Variants in SNTG2 observed in about 807,000 individuals in gnomAD.
SNTG2 encodes the protein syntrophin gamma 2, also known as gamma-2-syntrophin.
A neutral mutation model predicts 70.9 loss-of-function variants in SNTG2; 74 were observed. That is an observed-to-expected ratio of 1.04 (90% CI 0.86 to 1.27). The LOEUF (loss-of-function observed/expected upper bound fraction) is 1.27, where lower values mean the gene tolerates loss of function less well. Among genes scored for constraint, SNTG2 ranks in the 50% most tolerant of loss-of-function variants. SNTG2 has a pLI of 0.00. For missense variants in SNTG2, 717 were observed against 690.7 expected, an observed-to-expected ratio of 1.04 and a Z score of -0.43; for synonymous variants, 278 against 273.8, an observed-to-expected ratio of 1.02 and a Z score of -0.15.
intron 15 of SNTG2, among the ~76,000 whole-genome samples, chr2:1,312,701 C>T (rs551648800): frequency 5.9e-5 from 9 of 152,324 alleles, no homozygotes; most frequent in Non-Finnish European, 1.3e-4. Flanking sequence ...TCCCACACCG[C>T]AGCAAATTAT....
intron 1 of SNTG2, among the ~76,000 whole-genome samples, chr2:984,379 A>G (rs11890062): frequency 0.3 from 45,041 of 151,626 alleles, 7,045 homozygotes; most frequent in Middle Eastern, 0.41. Context: ...TTCTTCTACC[A>G]AGGGAAGGAG....
intron 6 of SNTG2, among the ~76,000 whole-genome samples, 167 bp from the exon 7 acceptor site, chr2:1,165,381 A>C (rs1364915463): frequency 6.6e-6 from 1 of 151,896 alleles, no homozygotes; most frequent in Non-Finnish European, 1.5e-5. Context: ...GGAGGTGATA[A>C]CCACTCTTCT....
At chr2:1,005,857 AT>A (rs1659554099) in intron 1 of SNTG2, among the ~76,000 whole-genome samples, 4 of 24,490 alleles carry the variant, frequency 1.6e-4, no homozygotes, top group South Asian at 1.5e-3. Context: ...ATATATATAT[AT>A]ATATATATAT....
rs1026661278 is a variant in SNTG2, at chr2:1,239,752, C to A, written c.864C>A (p.Asn288Lys). The change falls in exon 11 of 17, where the codon AAC becomes AAA. Residue 288 changes from asparagine (N) to lysine (K), a missense_variant. Physicochemically the swap from Asn to Lys is moderately conservative, Grantham distance 94. Coordinates refer to ENST00000308624, the MANE Select transcript of SNTG2 (RefSeq NM_018968.4). ...TCTCTCCACAGATGAAGATGGCGAACAAATGCTGCTCTCCTTCCGACCAGG... is the reference window on the plus strand; with the variant it reads ...TCTCTCCACAGATGAAGATGGCGAAAAAATGCTGCTCTCCTTCCGACCAGG... ...ELTLQNMKMANKCCSPSDQVV... is the reference protein window; with the variant it reads ...ELTLQNMKMAKKCCSPSDQVV... 1.2e-6 allele frequency: 2 copies of A among 1,613,578 alleles called. No individual in the cohort carries two copies. The highest frequency in any genetic ancestry group is 2.7e-5 in the African/African-American group (2 of 75,050).
chr2:1,222,189 A>C (rs1240361291), intron 9 of SNTG2, among the ~76,000 whole-genome samples: 1 of 144,128 alleles, frequency 6.9e-6, no homozygotes, highest in African/African-American at 2.6e-5. Flanking sequence ...CTCCCTCTGC[A>C]GCCTCTCAGT....
chr2:1,322,332 C>T (rs141041810), intron 16 of SNTG2, among the ~76,000 whole-genome samples: 2 of 152,088 alleles, frequency 1.3e-5, no homozygotes, highest in South Asian at 2.1e-4. Flanking sequence ...GCTAACTCCC[C>T]CAAAGCCAGA....
At chr2:1,366,518 G>A (rs774902347) in intron 16 of SNTG2, among the ~76,000 whole-genome samples, 8 of 152,282 alleles carry the variant, frequency 5.3e-5, no homozygotes, top group East Asian at 1.9e-4. Flanking sequence ...TGTAACATGC[G>A]GAGGTAAGGA....
At chr2:1,049,345 C>T (rs1661921832) in intron 1 of SNTG2, among the ~76,000 whole-genome samples, 1 of 152,330 alleles carries the variant, frequency 6.6e-6, no homozygotes, top group Middle Eastern at 3.4e-3. Context: ...CAACCCCTGA[C>T]AGCCACTGAT....
chr2:1,176,243 T>C (rs913213613), intron 8 of SNTG2, among the ~76,000 whole-genome samples: 3 of 152,312 alleles, frequency 2.0e-5, no homozygotes, highest in Middle Eastern at 3.4e-3. Flanking sequence ...AGTTTAAAAA[T>C]AGCTTTAATA....
chr2:1,332,236 A>C (rs2148285338), intron 16 of SNTG2, among the ~76,000 whole-genome samples: 1 of 152,380 alleles, frequency 6.6e-6, no homozygotes, highest in African/African-American at 2.4e-5. Context: ...CCATTCAGAA[A>C]TTAGGGGAAA....
rs118127231 is a variant in SNTG2 at position 1,259,954 on chromosome 2, C to T, written c.1077+513C>T. ...CAGGGCCCTAGCCCAGGCCCCCGCCCACCTGACTGCAGAGGTGTCTCCACA... is the reference window on the plus strand; with the variant it reads ...CAGGGCCCTAGCCCAGGCCCCCGCCTACCTGACTGCAGAGGTGTCTCCACA... On this transcript the variant is annotated intron_variant, in intron 13 of 16. Transcript: ENST00000308624. Among the ~76,000 whole-genome samples the T allele has an allele frequency of 2.4e-3, 363 of 152,294 alleles. 6 individuals are homozygous for T. The East Asian group carries it at 0.047, about 20-fold the overall frequency.
chr2:1,080,534 CTG>C (rs1420525602), intron 1 of SNTG2, among the ~76,000 whole-genome samples: 1 of 151,448 alleles, frequency 6.6e-6, no homozygotes, highest in Admixed American at 6.6e-5. Context: ...GTGTTTGTGT[CTG>C]TGTGTGTGCA....
At chr2:993,974 T>G (rs1661590415) in intron 1 of SNTG2, among the ~76,000 whole-genome samples, 1 of 152,126 alleles carries the variant, frequency 6.6e-6, no homozygotes, top group Non-Finnish European at 1.5e-5. Context: ...GTATCCTTTG[T>G]CATGTAAAGT....
chr2:1,308,750 G>T (rs1465230046), intron 15 of SNTG2, among the ~76,000 whole-genome samples, 164 bp downstream of exon 15: 26 of 152,142 alleles, frequency 1.7e-4, no homozygotes, highest in Non-Finnish European at 8.8e-5. Context: ...ATAGCTCAGG[G>T]CCCCAGGATC....
intron 8 of SNTG2, among the ~76,000 whole-genome samples, chr2:1,185,455 A>G (rs1014617660): frequency 1.3e-5 from 2 of 152,280 alleles, no homozygotes; most frequent in South Asian, 2.1e-4. Context: ...GAGGTTCTCC[A>G]TGAAGGCTTC....
intron 8 of SNTG2, among the ~76,000 whole-genome samples, chr2:1,198,141 A>G (rs193082503): frequency 1.6e-4 from 24 of 152,290 alleles, no homozygotes; most frequent in African/African-American, 5.1e-4. Context: ...AATGAAAACT[A>G]TATCAAATAT....
chr2:1,255,922 ATAT>A (rs201834131), intron 12 of SNTG2, among the ~76,000 whole-genome samples: 2 of 65,786 alleles, frequency 3.0e-5, no homozygotes, highest in Admixed American at 1.5e-4. Flanking sequence ...ATATATAAAT[ATAT>A]AAATATATAA....
intron 16 of SNTG2, among the ~76,000 whole-genome samples, chr2:1,320,491 C>A (rs552001421): frequency 6.9e-6 from 1 of 145,288 alleles, no homozygotes; most frequent in South Asian, 2.2e-4. Flanking sequence ...GAGATCATCG[C>A]GCCACTGTAC....
Position 1,164,402 on chromosome 2 carries a change from G to T in SNTG2, c.412-1146G>T, listed in dbSNP as rs56095606. On this transcript the variant is annotated intron_variant, in intron 6 of 16. Coordinates refer to ENST00000308624, the MANE Select transcript of SNTG2 (RefSeq NM_018968.4). The stretch of plus-strand genomic sequence containing the variant: ...TAGAGGAGAGGGCGAGGTGGGATAT[G>T]CCTGGCCTAGGAGTATGAAGTGAGG... Among the ~76,000 whole-genome samples the T allele has an allele frequency of 2.4e-5, 3 of 123,226 alleles. No individual in the cohort carries two copies. In the South Asian group the frequency reaches 1.0e-3, roughly 41 times the overall value. The allele number at this position is 123,226 out of a possible 152,430, so 80.8% of individuals were successfully genotyped here.
Sources: allele counts gnomAD v4.1 joint callset (sites outside exome capture counted in the v4.1 genomes callset), GRCh38; gene constraint gnomAD v4.1.1; transcripts MANE v1.5; gene names NCBI Gene and HGNC (gene_info 2026-07-23, HGNC 2026-07-21).